GLP1R: variants seen among roughly 807,000 people sequenced by gnomAD.
GLP1R encodes glucagon like peptide 1 receptor, also known as glucagon-like peptide 1 receptor.
Under a neutral mutation model 68.4 loss-of-function variants are expected in GLP1R, and 32 were observed. The observed-to-expected ratio is 0.47, with a 90% CI of 0.35 to 0.63. The LOEUF is 0.63. GLP1R is among the 20% of genes least tolerant of loss of function. The pLI, the probability that GLP1R is intolerant of heterozygous loss-of-function variation, is 0.00. For missense variants in GLP1R, 502 were observed against 594.9 expected, an observed-to-expected ratio of 0.84 and a Z score of 1.62; for synonymous variants, 263 against 244.4, an observed-to-expected ratio of 1.08 and a Z score of -0.71.
intron 1 of GLP1R, among the ~76,000 whole-genome samples, chr6:39,053,324 C>T (rs896929496): frequency 3.9e-5 from 6 of 152,238 alleles, no homozygotes; most frequent in African/African-American, 1.4e-4. Context: ...CCCCTCCTCA[C>T]AGGGCATGGG....
At chr6:39,073,053 G>T in intron 6 of GLP1R, 38 bp downstream of exon 6, 1 of 1,591,590 alleles carries the variant, frequency 6.3e-7, no homozygotes, top group South Asian at 1.1e-5. Context: ...GGAGGGATGG[G>T]CGGTTGGAGG....
Position 39,057,525 on chromosome 6 carries a change from C to T in GLP1R, c.229C>T (p.Pro77Ser). The T allele has an allele frequency of 1.9e-6, 3 of 1,613,558 alleles. No individual in the cohort carries two copies. The highest frequency in any genetic ancestry group is 2.5e-6 in the Non-Finnish European group (3 of 1,179,694). Residue 77 changes from proline to serine, a missense_variant, in exon 3 of 13, where the codon CCA becomes TCA. Pro to Ser is a moderately conservative substitution (Grantham distance 74, BLOSUM62 -1). Coordinates refer to ENST00000373256, the MANE Select transcript of GLP1R (RefSeq NM_002062.5). ...ATACGCCTGCTGGCCAGATGGGGAG[C>T]CAGGCTCGTTCGTGAATGTCAGCTG... ...DEYACWPDGE[P>S]GSFVNVSCPW...
Position 39,089,661 on chromosome 6 carries a change from G to A in GLP1R, c.*3588G>A, listed in dbSNP as rs1487235362. Among the ~76,000 whole-genome samples the A allele has an allele frequency of 1.3e-5, 2 of 152,090 alleles. No homozygotes were observed. Among genetic ancestry groups the A allele is most frequent in the South Asian group, 2.1e-4 (1 of 4,822 alleles). On this transcript the variant is annotated 3_prime_UTR_variant, in exon 13 of 13. Coordinates refer to ENST00000373256, the MANE Select transcript of GLP1R (RefSeq NM_002062.5). The surrounding 1 kb of genome is among the most constrained non-coding windows in gnomAD (Gnocchi z 4.1). ...GCATGTGTGTGTGCATGTTTCTTCT[G>A]TGCATAGCAGCATAAAGTTAGGAGA...
chr6:39,073,220 A>G (rs554170490), intron 6 of GLP1R, among the ~76,000 whole-genome samples: 16 of 152,288 alleles, frequency 1.1e-4, no homozygotes, highest in Admixed American at 8.5e-4. Context: ...GGAGCTCCCA[A>G]TCTAAGGGAG....
At chr6:39,084,877 G>A (rs1769105710) in intron 12 of GLP1R, among the ~76,000 whole-genome samples, 1 of 152,204 alleles carries the variant, frequency 6.6e-6, no homozygotes, top group Non-Finnish European at 1.5e-5. Context: ...GGGCTGGTGG[G>A]GAGATTGGCC....
At chr6:39,058,625 G>T (rs1768277132) in intron 3 of GLP1R, among the ~76,000 whole-genome samples, 1 of 127,932 alleles carries the variant, frequency 7.8e-6, no homozygotes, top group South Asian at 2.5e-4. Context: ...TCCATAAGGG[G>T]AGAAAAGATA....
intron 2 of GLP1R, 138 bp downstream of exon 2, chr6:39,056,631 T>G (rs2150821502): frequency 7.2e-6 from 4 of 555,276 alleles, no homozygotes; most frequent in Non-Finnish European, 6.6e-6. Flanking sequence ...TTCATCTCAT[T>G]GTCCAAGCTA....
At position 39,088,417 on chromosome 6, in the gene GLP1R, CA is replaced by C. The variant is rs1311353286; in HGVS notation, c.*2345del. ...AATGCAATGTACTCTGAAATTCCAG[CA>C]GCTGTTTACATGCCTGATGCCTAAT... On this transcript the variant is annotated 3_prime_UTR_variant, in exon 13 of 13. Coordinates refer to ENST00000373256, the MANE Select transcript of GLP1R (RefSeq NM_002062.5). 6.6e-6 allele frequency among the ~76,000 whole-genome samples: 1 copy of C among 152,210 alleles called. No individual in the cohort carries two copies. The highest frequency in any genetic ancestry group is 1.5e-5 in the Non-Finnish European group (1 of 68,038).
In GLP1R at chr6:39,087,573, G is replaced by A. The variant is rs199754041; in HGVS notation, c.*1500G>A. The A allele has an allele frequency of 6.6e-6, 1 of 152,130 alleles. No homozygotes were observed. The highest frequency in any genetic ancestry group is 2.1e-4 in the South Asian group (1 of 4,822). The allele number at this position is 152,130 out of a possible 1,614,324, so 9.4% of individuals were successfully genotyped here. ...GTCAGGACCTCCGGGGAGAGCAGAG[G>A]GTTCCGACGGATTCCTTTATGAGTC... On this transcript the variant is annotated 3_prime_UTR_variant, in exon 13 of 13. Transcript: ENST00000373256.
At chr6:39,059,867 T>C (rs1367380345) in intron 3 of GLP1R, among the ~76,000 whole-genome samples, 2 of 152,104 alleles carry the variant, frequency 1.3e-5, no homozygotes, top group African/African-American at 2.4e-5. Flanking sequence ...TCCATCACCT[T>C]TAATTTTATT....
intron 6 of GLP1R, 103 bp downstream of exon 6, chr6:39,073,118 A>G: frequency 1.8e-6 from 2 of 1,137,424 alleles, no homozygotes; most frequent in Non-Finnish European, 2.5e-6. Context: ...CAAGAGCCGA[A>G]CAGTCCTGGC....
At chr6:39,070,941 GATAA>G (rs1768643789) in intron 5 of GLP1R, among the ~76,000 whole-genome samples, 1 of 151,824 alleles carries the variant, frequency 6.6e-6, no homozygotes, top group African/African-American at 2.4e-5. Flanking sequence ...ATTTAGTATT[GATAA>G]ATAAAATTTA....
chr6:39,066,571 C>A (rs958488044), intron 5 of GLP1R, among the ~76,000 whole-genome samples: 3 of 152,218 alleles, frequency 2.0e-5, no homozygotes, highest in African/African-American at 7.2e-5. Context: ...AACCTCAAAA[C>A]CTTAACCGTC....
intron 12 of GLP1R, among the ~76,000 whole-genome samples, chr6:39,082,846 T>A (rs2268639): frequency 0.34 from 52,109 of 151,688 alleles, 9,419 homozygotes; most frequent in Middle Eastern, 0.41. Flanking sequence ...CTTGTCATCT[T>A]GACCCCCCCA....
Position 39,087,560 on chromosome 6 carries a change from G to A in GLP1R, c.*1487G>A, listed in dbSNP as rs1209379798. ...CTCGCTCTTGGGAGTCAGGACCTCC[G>A]GGGAGAGCAGAGGGTTCCGACGGAT... is the stretch of plus-strand genomic sequence containing the variant. On this transcript the variant is annotated 3_prime_UTR_variant, in exon 13 of 13. Transcript: ENST00000373256. The A allele has an allele frequency of 2.6e-5, 4 of 152,136 alleles. No individual in the cohort carries two copies. The highest frequency in any genetic ancestry group is 6.5e-5 in the Admixed American group (1 of 15,268). 9.4% of individuals were successfully genotyped at this position (152,136 alleles called of 1,614,324 possible).
rs942342249 is a variant in GLP1R at position 39,049,744 on chromosome 6, C to G, written c.78+826C>G. Among the ~76,000 whole-genome samples the G allele has an allele frequency of 6.6e-6, 1 of 152,194 alleles. No homozygotes were observed. The highest frequency in any genetic ancestry group is 2.4e-5 in the African/African-American group (1 of 41,440). ...CAGGCCACAGGTGGACCACCGCAGC[C>G]CCTCTCTCTTGCCCTTGTTGCTTTT... On this transcript the variant is annotated intron_variant, in intron 1 of 12. Coordinates refer to ENST00000373256, the MANE Select transcript of GLP1R (RefSeq NM_002062.5). The surrounding 1 kb of genome is among the most constrained non-coding windows in gnomAD (Gnocchi z 4.5).
At chr6:39,058,513 GC>G (rs922702934) in intron 3 of GLP1R, among the ~76,000 whole-genome samples, 3 of 152,130 alleles carry the variant, frequency 2.0e-5, no homozygotes, top group Non-Finnish European at 2.9e-5. Flanking sequence ...TAGTTAATGT[GC>G]CCCGCTATCT....
chr6:39,068,647 C>A (rs1035918270), intron 5 of GLP1R, among the ~76,000 whole-genome samples: 1 of 152,218 alleles, frequency 6.6e-6, no homozygotes, highest in African/African-American at 2.4e-5. Flanking sequence ...TTTACTGCTA[C>A]GTCCTCCAGA....
chr6:39,057,858 T>C (rs1179955160), intron 3 of GLP1R, among the ~76,000 whole-genome samples: 15 of 131,546 alleles, frequency 1.1e-4, no homozygotes, highest in South Asian at 5.4e-4. Flanking sequence ...GCCCCCTCCC[T>C]GACCTGGTAC....
Sources: gnomAD v4.1 joint callset for allele counts (sites outside exome capture counted in the v4.1 genomes callset) on GRCh38, gnomAD v4.1.1 for gene constraint, Gnocchi (gnomAD v3.1) non-coding constraint, MANE v1.5 for transcripts, NCBI Gene and HGNC (gene_info 2026-07-23, HGNC 2026-07-21) for gene names.